The following COL7A1 variants were observed in gnomAD, a reference collection of about 807,000 sequenced individuals.
COL7A1 encodes the protein collagen type VII alpha 1 chain.
A neutral mutation model predicts 456.2 loss-of-function variants in COL7A1; 296 were observed. The observed-to-expected ratio is 0.65, with a 90% confidence interval of 0.59 to 0.71. COL7A1 has a LOEUF of 0.71. Ranked by LOEUF, COL7A1 falls within the 30% of genes least tolerant of loss-of-function variation. The probability of loss-of-function intolerance (pLI) is 0.00; values close to 1 mark genes in which losing one functional copy is unlikely to be tolerated. For missense variants in COL7A1, 3,441 were observed against 4,017.2 expected, an observed-to-expected ratio of 0.86 and a Z score of 3.88; for synonymous variants, 1,464 against 1,525.9, an observed-to-expected ratio of 0.96 and a Z score of 0.95.
chr3:48,574,918 G>C lies in COL7A1; in HGVS notation c.6280-53C>G, dbSNP rs2044184894. On this transcript the variant is annotated intron_variant, in intron 76 of 118. Transcript: ENST00000681320. The surrounding 1 kb of genome is among the most constrained non-coding windows in gnomAD (Gnocchi z 5.0). ...ATGTCTCTGTCATAGAGGCATGGGG[G>C]AGTCATCACAGATCTCAGGATCACA... 1 of 1,603,648 alleles carries C rather than the reference G, an allele frequency of 6.2e-7. No individual in the cohort carries two copies. Among genetic ancestry groups the C allele is most frequent in the African/African-American group, 1.3e-5 (1 of 74,622 alleles).
In COL7A1 at chr3:48,572,588, C is replaced by T. The variant is rs753001851; in HGVS notation, c.6901-50G>A. The T allele has an allele frequency of 5.0e-6, 8 of 1,603,868 alleles. No homozygotes were observed. The highest frequency in any genetic ancestry group is 3.3e-4 in the Middle Eastern group (2 of 6,022). ...CTCCTCCTCCCCCGCCCCCACCCTG[C>T]CACCCCCATGGCATTTGGAAACAGG... On this transcript the variant is annotated intron_variant, in intron 88 of 118. Transcript: ENST00000681320. This position sits in a 1 kb window ranked among gnomAD's most constrained non-coding sequence, Gnocchi z 4.6.
chr3:48,592,901 C>G lies in COL7A1; in HGVS notation c.720G>C (p.Leu240=), dbSNP rs181486713. ...DSTSAPRDLV[L]SEPSSQSLRV... ...TCAAGGATTGGCTGCTTGGCTCAGA[C>G]AGCACCAGGTCTCGTGGAGCAGAGG... is the stretch of plus-strand genomic sequence containing the variant. Residue 240 remains leucine (L), a synonymous_variant, in exon 7 of 119, where the codon CTG becomes CTC. Coordinates refer to ENST00000681320, the MANE Select transcript of COL7A1 (RefSeq NM_000094.4). The surrounding 1 kb of genome is among the most constrained non-coding windows in gnomAD (Gnocchi z 7.6). 1 of 1,614,046 alleles carries G rather than the reference C, an allele frequency of 6.2e-7. No individual in the cohort carries two copies. The highest frequency in any genetic ancestry group is 8.5e-7 in the Non-Finnish European group (1 of 1,180,012).
rs542311796 is a variant in COL7A1, at chr3:48,576,924, G to A, written c.5569-5C>T. On this transcript the variant is annotated splice_polypyrimidine_tract_variant and splice_region_variant and intron_variant, in intron 66 of 118. Transcript: ENST00000681320. ...GCCTGAATCTCCTTTCTCTCCCTAA[G>A]GAAGACAAGGATGCTTCAGGCATGG... 6 of 1,614,002 alleles carry A rather than the reference G, an allele frequency of 3.7e-6. No individual in the cohort carries two copies. In the South Asian group the frequency reaches 6.6e-5, roughly 18 times the overall value.
At position 48,578,595 on chromosome 3, in the gene COL7A1, A is replaced by G. The variant is rs1445857930; in HGVS notation, c.5425-80T>C. 2.7e-6 allele frequency: 4 copies of G among 1,488,868 alleles called. No homozygotes were observed. In the East Asian group the frequency reaches 9.1e-5, roughly 34 times the overall value. The allele number at this position is 1,488,868 out of a possible 1,614,324, so 92.2% of individuals were successfully genotyped here. A position where few individuals can be genotyped will look rare whatever the true frequency, so the allele number is the denominator to read the frequency against. On this transcript the variant is annotated intron_variant, in intron 63 of 118. Coordinates refer to ENST00000681320, the MANE Select transcript of COL7A1 (RefSeq NM_000094.4). The surrounding 1 kb of genome is among the most constrained non-coding windows in gnomAD (Gnocchi z 4.7). ...CACCCCATGGACTAAGAGGACCCCA[A>G]AAAGATCTCCCTCCAGGGTAGAGAC...
rs151186709 is a variant in COL7A1 at position 48,590,529 on chromosome 3, C to A, written c.1836G>T (p.Thr612=). Residue 612 remains threonine, a synonymous_variant, in exon 15 of 119, where the codon ACG becomes ACT. Coordinates refer to ENST00000681320, the MANE Select transcript of COL7A1 (RefSeq NM_000094.4). This position sits in a 1 kb window ranked among gnomAD's most constrained non-coding sequence, Gnocchi z 4.6. Reference sequence around the variant, plus strand: ...CGGGTCCCCAGGCCACCCTCACTCGCGTTGCATCTGACACCACAACCCGCA... The same window carrying A: ...CGGGTCCCCAGGCCACCCTCACTCGAGTTGCATCTGACACCACAACCCGCA... ...PGLRVVVSDA[T]RVRVAWGPVP... is the part of the protein sequence containing the mutation. 887 of 1,614,168 alleles carry A rather than the reference C, an allele frequency of 5.5e-4. 4 individuals are homozygous for A. Among genetic ancestry groups the A allele is most frequent in the South Asian group, 2.5e-3 (225 of 91,090 alleles).
At position 48,572,646 on chromosome 3, in the gene COL7A1, G is replaced by A. The variant is rs370625256; in HGVS notation, c.6900+25C>T. ...GTGAGGCAGAGGAGTTGCTGCAGGGGGTGGAAGTCAGGGTCAAAGATCACC... is the reference window on the plus strand; with the variant it reads ...GTGAGGCAGAGGAGTTGCTGCAGGGAGTGGAAGTCAGGGTCAAAGATCACC... On this transcript the variant is annotated intron_variant, in intron 88 of 118. Coordinates refer to ENST00000681320, the MANE Select transcript of COL7A1 (RefSeq NM_000094.4). The surrounding 1 kb of genome is among the most constrained non-coding windows in gnomAD (Gnocchi z 4.6). 1 of 1,603,716 alleles carries A rather than the reference G, an allele frequency of 6.2e-7. No homozygotes were observed. The highest frequency in any genetic ancestry group is 2.3e-5 in the East Asian group (1 of 44,354).
In COL7A1 at chr3:48,583,633, G is replaced by A. The variant is rs188592093; in HGVS notation, c.4342-18C>T. The A allele has an allele frequency of 7.4e-6, 12 of 1,613,808 alleles. No individual in the cohort carries two copies. The highest frequency in any genetic ancestry group is 4.0e-5 in the African/African-American group (3 of 74,894). ...GAGTCACCCTGAAGGAGAAACACAC[G>A]GGTGGGAAGACCGAAGGGAGGCCCT... is the stretch of plus-strand genomic sequence containing the variant. On this transcript the variant is annotated intron_variant, in intron 40 of 118. Coordinates refer to ENST00000681320, the MANE Select transcript of COL7A1 (RefSeq NM_000094.4). This position sits in a 1 kb window ranked among gnomAD's most constrained non-coding sequence, Gnocchi z 5.1.
In COL7A1 at chr3:48,565,420, T is replaced by C; in HGVS notation, c.8517A>G (p.Ala2839=). 6.2e-7 allele frequency: 1 copy of C among 1,610,148 alleles called. No individual in the cohort carries two copies. Among genetic ancestry groups the C allele is most frequent in the Non-Finnish European group, 8.5e-7 (1 of 1,178,320 alleles). The part of the protein sequence containing the change: ...HAVPVLRVSH[A]EEEERVPPED... ...TTCAGCTGTCCTCACCTTCCTCCTC[T>C]GCATGAGAGACGCGGAGCACAGGCA... Residue 2839 remains alanine, a synonymous_variant, in exon 116 of 119, where the codon GCA becomes GCG. Coordinates refer to ENST00000681320, the MANE Select transcript of COL7A1 (RefSeq NM_000094.4). This position sits in a 1 kb window ranked among gnomAD's most constrained non-coding sequence, Gnocchi z 4.5.
At position 48,593,343 on chromosome 3, in the gene COL7A1, G is replaced by A; in HGVS notation, c.520+13C>T. 1.2e-6 allele frequency: 2 copies of A among 1,613,966 alleles called. No individual in the cohort carries two copies. The highest frequency in any genetic ancestry group is 1.7e-6 in the Non-Finnish European group (2 of 1,179,998). On this transcript the variant is annotated intron_variant, in intron 5 of 118. Coordinates refer to ENST00000681320, the MANE Select transcript of COL7A1 (RefSeq NM_000094.4). This position sits in a 1 kb window ranked among gnomAD's most constrained non-coding sequence, Gnocchi z 4.4. Reference sequence around the variant, plus strand: ...ACCCCCCAGCTGACCTGTCACTCCTGCTCGGTCCTTACCCACAGCAAATAG... The same window carrying A: ...ACCCCCCAGCTGACCTGTCACTCCTACTCGGTCCTTACCCACAGCAAATAG...
chr3:48,595,093 C>T lies in COL7A1; in HGVS notation c.67G>A (p.Ala23Thr). 1.3e-6 allele frequency: 2 copies of T among 1,552,360 alleles called. No homozygotes were observed. Among genetic ancestry groups the T allele is most frequent in the African/African-American group, 1.4e-5 (1 of 73,282 alleles). ...TGCCCACCTCTCTCCCTGTGCTGGG[C>T]TCGCACTCGGGGCGCCTCTGCCAGG... ...GILAEAPRVR[A>T]QHRERVTCTR... Residue 23 changes from alanine to threonine, a missense_variant, in exon 2 of 119, where the codon GCC (alanine) becomes ACC (threonine). Transcript: ENST00000681320.
chr3:48,579,126 G>T lies in COL7A1; in HGVS notation c.5388+71C>A. The T allele has an allele frequency of 3.2e-6, 5 of 1,579,984 alleles. No homozygotes were observed. The highest frequency in any genetic ancestry group is 1.7e-5 in the Admixed American group (1 of 59,996). ...CGTCAAGGCCAAGACCAACCAATGA[G>T]GCTGGGGTCTAGGGTCCTCATGTGA... On this transcript the variant is annotated intron_variant, in intron 62 of 118. Transcript: ENST00000681320. The surrounding 1 kb of genome is among the most constrained non-coding windows in gnomAD (Gnocchi z 4.4).
At position 48,571,918 on chromosome 3, in the gene COL7A1, G is replaced by A; in HGVS notation, c.7068+83C>T. On this transcript the variant is annotated intron_variant, in intron 92 of 118. Coordinates refer to ENST00000681320, the MANE Select transcript of COL7A1 (RefSeq NM_000094.4). The surrounding 1 kb of genome is among the most constrained non-coding windows in gnomAD (Gnocchi z 4.6). The stretch of plus-strand genomic sequence containing the variant: ...CAGCCCGACTCAGGGGCTCAGACAT[G>A]TGCCCCGGCCCAAGAGTGGCCCCTT... The A allele has an allele frequency of 6.5e-7, 1 of 1,530,698 alleles. No individual in the cohort carries two copies. The highest frequency in any genetic ancestry group is 8.9e-7 in the Non-Finnish European group (1 of 1,120,186). The allele number at this position is 1,530,698 out of a possible 1,614,324, so 94.8% of individuals were successfully genotyped here. A position where few individuals can be genotyped will look rare whatever the true frequency, so the allele number is the denominator to read the frequency against.
chr3:48,575,951 G>A lies in COL7A1; in HGVS notation c.5821-49C>T, dbSNP rs2044270152. ...GGCTGCCCATGACAGAGAAGCTCCT[G>A]CCTTCTGCCCCGCACGGCCTCAGGA... On this transcript the variant is annotated intron_variant, in intron 71 of 118. Transcript: ENST00000681320. The surrounding 1 kb of genome is among the most constrained non-coding windows in gnomAD (Gnocchi z 6.3). 4 of 1,613,854 alleles carry A rather than the reference G, an allele frequency of 2.5e-6. No individual in the cohort carries two copies. The highest frequency in any genetic ancestry group is 3.4e-6 in the Non-Finnish European group (4 of 1,179,838).
intron 65 of COL7A1, among the ~76,000 whole-genome samples, chr3:48,577,298 G>A (rs905326767): frequency 6.6e-6 from 1 of 152,242 alleles, no homozygotes; most frequent in African/African-American, 2.4e-5. Context: ...GCATCTCTGG[G>A]TTGGTGATCG....
At position 48,584,641 on chromosome 3, in the gene COL7A1, T is replaced by C; in HGVS notation, c.4048-85A>G. The stretch of plus-strand genomic sequence containing the variant: ...GCCCCTAGACATGTCCAGCTATTCC[T>C]ATTCGCGCCTTAGGCCCTGCACAGG... On this transcript the variant is annotated intron_variant, in intron 35 of 118. Coordinates refer to ENST00000681320, the MANE Select transcript of COL7A1 (RefSeq NM_000094.4). The C allele has an allele frequency of 1.9e-6, 3 of 1,612,318 alleles. No homozygotes were observed. In the South Asian group the frequency reaches 3.3e-5, roughly 18 times the overall value.
Position 48,588,277 on chromosome 3 carries a change from C to T in COL7A1, c.2710+5G>A. The T allele has an allele frequency of 6.2e-7, 1 of 1,613,084 alleles. No individual in the cohort carries two copies. Among genetic ancestry groups the T allele is most frequent in the Non-Finnish European group, 8.5e-7 (1 of 1,180,004 alleles). ...CCCTAACTTCCTCCTGGGGACACCTCTCACCCTCAGGTTGCCAGTGCAGAA... is the reference window on the plus strand; with the variant it reads ...CCCTAACTTCCTCCTGGGGACACCTTTCACCCTCAGGTTGCCAGTGCAGAA... On this transcript the variant is annotated splice_donor_5th_base_variant and intron_variant, in intron 21 of 118. Transcript: ENST00000681320. The surrounding 1 kb of genome is among the most constrained non-coding windows in gnomAD (Gnocchi z 4.6).
rs758985027 is a variant in COL7A1 at position 48,585,697 on chromosome 3, C to T, written c.3824G>A (p.Gly1275Asp). The change falls in exon 31 of 119, where the codon GGC (glycine) becomes GAC (aspartate). Residue 1275 changes from glycine to aspartate, a missense_variant. Gly to Asp is a moderately conservative substitution (Grantham distance 94). This residue lies in a region of COL7A1 where 2,084 missense variants were observed against 2,501.3 expected (regional missense o/e 0.83). Transcript: ENST00000681320. This position sits in a 1 kb window ranked among gnomAD's most constrained non-coding sequence, Gnocchi z 4.5. The stretch of plus-strand genomic sequence containing the variant: ...GATGTGGGGGACACTCACCGGGAGG[C>T]CAGGGTCGCCAGGAGGCCCAACTTG... The part of the protein sequence containing the change: ...RGQVGPPGDP[G>D]LPGRTGAPGP... 2.0e-5 allele frequency: 32 copies of T among 1,613,874 alleles called. No homozygotes were observed. The highest frequency in any genetic ancestry group is 2.4e-5 in the Non-Finnish European group (28 of 1,179,990).
Position 48,588,315 on chromosome 3 carries a change from C to T in COL7A1, c.2677G>A (p.Ala893Thr). 2 of 1,612,984 alleles carry T rather than the reference C, an allele frequency of 1.2e-6. No homozygotes were observed. The highest frequency in any genetic ancestry group is 1.7e-6 in the Non-Finnish European group (2 of 1,180,000). The change falls in exon 21 of 119, where the codon GCG becomes ACG. Residue 893 changes from alanine to threonine, a missense_variant. Ala to Thr is a moderately conservative substitution (Grantham distance 58, BLOSUM62 0). This residue lies in a region of COL7A1 where 444 missense variants were observed against 427.6 expected (regional missense o/e 1.04). Transcript: ENST00000681320. The surrounding 1 kb of genome is among the most constrained non-coding windows in gnomAD (Gnocchi z 4.6). ...LRLRWEPVPR[A>T]QGFLLHWQPE... Reference sequence around the variant, plus strand: ...TGCCAGTGCAGAAGGAAGCCCTGCGCTCTGGGCACCGGCTCCCAGCGCAGC... The same window carrying T: ...TGCCAGTGCAGAAGGAAGCCCTGCGTTCTGGGCACCGGCTCCCAGCGCAGC...
Position 48,585,694 on chromosome 3 carries a change from A to C in COL7A1, c.3827T>G (p.Leu1276Arg). The change falls in exon 31 of 119, where the codon CTC becomes CGC. Residue 1276 changes from leucine to arginine, a missense_variant. Physicochemically the swap from Leu to Arg is moderately radical, Grantham distance 102. Coordinates refer to ENST00000681320, the MANE Select transcript of COL7A1 (RefSeq NM_000094.4). This position sits in a 1 kb window ranked among gnomAD's most constrained non-coding sequence, Gnocchi z 4.5. ...GQVGPPGDPG[L>R]PGRTGAPGPQ... ...ACAGATGTGGGGGACACTCACCGGG[A>C]GGCCAGGGTCGCCAGGAGGCCCAAC... is the stretch of plus-strand genomic sequence containing the variant. The C allele has an allele frequency of 1.2e-6, 2 of 1,614,038 alleles. No homozygotes were observed.
Sources: gnomAD v4.1 joint callset for allele counts (sites outside exome capture counted in the v4.1 genomes callset) on GRCh38, gnomAD v4.1.1 for gene constraint, gnomAD v4.1.1 regional missense constraint, Gnocchi (gnomAD v3.1) non-coding constraint, MANE v1.5 for transcripts, NCBI Gene and HGNC (gene_info 2026-07-23, HGNC 2026-07-21) for gene names.